ME1: variants seen among roughly 807,000 people sequenced by gnomAD.
ME1 encodes malic enzyme 1, also known as NADP-dependent malic enzyme.
ME1 carries 74 observed loss-of-function variants against 66.4 expected under a neutral mutation model. The observed-to-expected ratio is 1.11, with a 90% CI of 0.92 to 1.35. The LOEUF is 1.35. Ranked by LOEUF, ME1 falls within the 40% of genes most tolerant of loss-of-function variation. The pLI, the probability that ME1 is intolerant of heterozygous loss-of-function variation, is 0.00. For synonymous variants in ME1, 251 were observed against 235.6 expected, an observed-to-expected ratio of 1.07 and a Z score of -0.60; for missense variants, 750 against 694.1, an observed-to-expected ratio of 1.08 and a Z score of -0.90.
chr6:83,367,561 A>G (rs1769122763), intron 3 of ME1, among the ~76,000 whole-genome samples: 1 of 152,156 alleles, frequency 6.6e-6, no homozygotes, highest in Admixed American at 6.6e-5. Flanking sequence ...CTCCCTTAGC[A>G]CTTGCTTCTT....
intron 3 of ME1, among the ~76,000 whole-genome samples, chr6:83,357,125 A>G (rs1768906693): frequency 6.6e-6 from 1 of 152,166 alleles, no homozygotes; most frequent in Non-Finnish European, 1.5e-5. Flanking sequence ...GAGATTATAC[A>G]TCTTTTGCAG....
chr6:83,225,474 A>G (rs543063547), intron 11 of ME1, among the ~76,000 whole-genome samples: 1 of 152,240 alleles, frequency 6.6e-6, no homozygotes, highest in East Asian at 1.9e-4. Context: ...TCTTGGATCT[A>G]GAGTCTAAAT....
At chr6:83,346,009 C>G (rs1344691303) in intron 5 of ME1, among the ~76,000 whole-genome samples, 164 bp downstream of exon 5, 2 of 151,860 alleles carry the variant, frequency 1.3e-5, no homozygotes, top group East Asian at 3.9e-4. Context: ...AAAAGGAGAA[C>G]AGGAGAAGTA....
Position 83,320,474 on chromosome 6 carries a change from T to C in ME1, c.601-5061A>G, listed in dbSNP as rs1249740759. Among the ~76,000 whole-genome samples the C allele has an allele frequency of 2.0e-5, 3 of 152,228 alleles. No homozygotes were observed. The East Asian group carries it at 5.8e-4, about 29-fold the overall frequency. ...AAGTTAACAAGTTATATCATATAAA[T>C]ATATTTCAGATGAAATGTAAAATCT... On this transcript the variant is annotated intron_variant, in intron 5 of 13. Coordinates refer to ENST00000369705, the MANE Select transcript of ME1 (RefSeq NM_002395.6).
chr6:83,321,954 G>C (rs1268512045), intron 5 of ME1, among the ~76,000 whole-genome samples: 1 of 152,202 alleles, frequency 6.6e-6, no homozygotes, highest in Non-Finnish European at 1.5e-5. Flanking sequence ...CCAGAGGAAG[G>C]AACAGGCAGC....
intron 2 of ME1, among the ~76,000 whole-genome samples, chr6:83,407,546 G>A (rs375282469): frequency 2.6e-4 from 39 of 152,172 alleles, no homozygotes; most frequent in African/African-American, 8.9e-4. Context: ...TGATAAACAT[G>A]GTCTGTCTGA....
intron 6 of ME1, among the ~76,000 whole-genome samples, chr6:83,262,931 G>A (rs1352936186): frequency 6.6e-6 from 1 of 152,104 alleles, no homozygotes; most frequent in Non-Finnish European, 1.5e-5. Flanking sequence ...ATTTTATTGT[G>A]CTTTGCTTTA....
chr6:83,357,935 C>CTCTCTCTCTCTATATATATA (rs1447805761), intron 3 of ME1, among the ~76,000 whole-genome samples: 1 of 30,038 alleles, frequency 3.3e-5, no homozygotes, highest in African/African-American at 1.2e-4. Flanking sequence ...CTCTCTCTCT[C>CTCTCTCTCTCTATATATATA]TATATATATA....
chr6:83,329,034 T>C (rs1315254701), intron 5 of ME1, among the ~76,000 whole-genome samples: 1 of 152,202 alleles, frequency 6.6e-6, no homozygotes, highest in Non-Finnish European at 1.5e-5. Flanking sequence ...TTGAAGTTAA[T>C]AGTAATCACT....
intron 1 of ME1, 109 bp from the exon 2 acceptor site, chr6:83,408,010 G>A: frequency 7.8e-7 from 1 of 1,288,364 alleles, no homozygotes; most frequent in Non-Finnish European, 1.0e-6. Flanking sequence ...TCCGAAGTCT[G>A]CGTCACTGGA....
At chr6:83,356,963 C>T (rs1768901644) in intron 3 of ME1, among the ~76,000 whole-genome samples, 1 of 152,100 alleles carries the variant, frequency 6.6e-6, no homozygotes, top group Admixed American at 6.6e-5. Flanking sequence ...GTTCAAAATG[C>T]TGTGCAATAT....
chr6:83,377,429 A>G (rs1372038593), intron 3 of ME1, among the ~76,000 whole-genome samples: 1 of 152,198 alleles, frequency 6.6e-6, no homozygotes, highest in Non-Finnish European at 1.5e-5. Context: ...AAGAAAGAAA[A>G]AAACAACTTT....
rs534936771 is a variant in ME1 at position 83,405,895 on chromosome 6, G to A, written c.212+1873C>T. Among the ~76,000 whole-genome samples the A allele has an allele frequency of 7.3e-3, 1,103 of 151,938 alleles. 11 individuals are homozygous for A. Among genetic ancestry groups the A allele is most frequent in the African/African-American group, 0.025 (1,030 of 41,440 alleles). ...CGCCACTATGCCCGGCTAATTTTTT[G>A]TATTTTTAGTAGAGACGGGGTTTCA... On this transcript the variant is annotated intron_variant, in intron 2 of 13. Transcript: ENST00000369705.
At chr6:83,407,456 A>G (rs538913906) in intron 2 of ME1, among the ~76,000 whole-genome samples, 5 of 152,212 alleles carry the variant, frequency 3.3e-5, no homozygotes, top group African/African-American at 4.8e-5. Flanking sequence ...ATATACTTAA[A>G]GTGTGACTAA....
chr6:83,255,179 T>C (rs1025189360), intron 6 of ME1, among the ~76,000 whole-genome samples: 2 of 152,020 alleles, frequency 1.3e-5, no homozygotes, highest in Non-Finnish European at 2.9e-5. Flanking sequence ...TTGTTTGTTT[T>C]ATTACTAGTG....
At chr6:83,404,186 A>G (rs1229986899) in intron 2 of ME1, among the ~76,000 whole-genome samples, 2 of 152,062 alleles carry the variant, frequency 1.3e-5, no homozygotes, top group Non-Finnish European at 2.9e-5. Context: ...GATTTTTTTA[A>G]TGATCGCCAT....
At position 83,406,971 on chromosome 6, in the gene ME1, TACACACACAC is replaced by T. The variant is rs59788379; in HGVS notation, c.212+787_212+796del. Among the ~76,000 whole-genome samples the T allele has an allele frequency of 6.5e-4, 93 of 143,968 alleles. 1 individual carries two copies. Among genetic ancestry groups the T allele is most frequent in the Admixed American group, 1.2e-3 (17 of 14,352 alleles). The allele number at this position is 143,968 out of a possible 152,430, so 94.4% of individuals were successfully genotyped here. Reference sequence around the variant, plus strand: ...CCATTTATATTTATATTTTCATTCATACACACACACACACACACACACACACACACACATC... The same window carrying T: ...CCATTTATATTTATATTTTCATTCATACACACACACACACACACACACATC... On this transcript the variant is annotated intron_variant, in intron 2 of 13. Coordinates refer to ENST00000369705, the MANE Select transcript of ME1 (RefSeq NM_002395.6).
At position 83,255,013 on chromosome 6, in the gene ME1, C is replaced by CT. The variant is rs563074046; in HGVS notation, c.705-1276dup. 5.3e-5 allele frequency among the ~76,000 whole-genome samples: 8 copies of CT among 152,212 alleles called. No homozygotes were observed. The East Asian group carries it at 5.8e-4, about 11-fold the overall frequency. Reference sequence around the variant, plus strand: ...ATCACAAAGCAGATGATTTTTCTCTCTTTTTCTTCTGATACAATAAAAAAC... The same window carrying CT: ...ATCACAAAGCAGATGATTTTTCTCTCTTTTTTCTTCTGATACAATAAAAAAC... On this transcript the variant is annotated intron_variant, in intron 6 of 13. Coordinates refer to ENST00000369705, the MANE Select transcript of ME1 (RefSeq NM_002395.6).
intron 6 of ME1, among the ~76,000 whole-genome samples, chr6:83,312,763 A>AT (rs1767955093): frequency 2.0e-5 from 3 of 151,010 alleles, no homozygotes; most frequent in South Asian, 2.1e-4. Flanking sequence ...TTTTTTTTTA[A>AT]TTTTTTTAAG....
Sources: gnomAD v4.1 joint callset for allele counts (sites outside exome capture counted in the v4.1 genomes callset) on GRCh38, gnomAD v4.1.1 for gene constraint, MANE v1.5 for transcripts, NCBI Gene and HGNC (gene_info 2026-07-23, HGNC 2026-07-21) for gene names.